LRRC72: variants seen among roughly 807,000 people sequenced by gnomAD.
The protein encoded by LRRC72 is leucine rich repeat containing 72.
A neutral mutation model predicts 35.8 loss-of-function variants in LRRC72; 41 were observed. The observed-to-expected ratio is 1.15, with a 90% CI of 0.89 to 1.49. The LOEUF (loss-of-function observed/expected upper bound fraction) is 1.49. Among genes scored for constraint, LRRC72 ranks in the 40% most tolerant of loss-of-function variants. LRRC72 has a pLI of 0.00. For synonymous variants in LRRC72, 118 were observed against 119.2 expected (o/e 0.99, Z 0.07); for missense variants, 389 against 330.7 (o/e 1.18, Z -1.37).
At chr7:16,552,702 A>G (rs73078922) in intron 3 of LRRC72, among the ~76,000 whole-genome samples, 44,607 of 152,078 alleles carry the variant, frequency 0.29, 6,737 homozygotes, top group East Asian at 0.39. Flanking sequence ...ATGGCAGCTC[A>G]GTTAGAGCAA....
intron 6 of LRRC72, among the ~76,000 whole-genome samples, chr7:16,566,997 A>G (rs976192929): frequency 9.2e-5 from 14 of 152,112 alleles, no homozygotes; most frequent in Non-Finnish European, 1.8e-4. Context: ...CTGTCTCTGC[A>G]GGTTTGAACA....
intron 1 of LRRC72, among the ~76,000 whole-genome samples, chr7:16,532,211 T>TAA (rs375741934): frequency 6.6e-6 from 1 of 152,046 alleles, no homozygotes; most frequent in African/African-American, 2.4e-5. Flanking sequence ...TCATACAGAA[T>TAA]AAAAAAAACT....
At chr7:16,548,207 A>G (rs78070887) in intron 3 of LRRC72, among the ~76,000 whole-genome samples, 2,838 of 152,304 alleles carry the variant, frequency 0.019, 30 homozygotes, top group Non-Finnish European at 0.03. Context: ...ATTGCTCAGT[A>G]AATCTCCCCT....
At chr7:16,580,029 A>T (rs770805660) in intron 7 of LRRC72, 45 bp from the exon 8 acceptor site, 2 of 396,466 alleles carry the variant, frequency 5.0e-6, no homozygotes, top group Admixed American at 3.7e-5. Flanking sequence ...TAAATGCTGG[A>T]TAAATATTTT....
At chr7:16,539,765 G>T (rs914846190) in intron 3 of LRRC72, among the ~76,000 whole-genome samples, 4 of 152,198 alleles carry the variant, frequency 2.6e-5, no homozygotes, top group African/African-American at 7.2e-5. Flanking sequence ...TGCTTCAGAG[G>T]GTGCAAACCC....
intron 3 of LRRC72, among the ~76,000 whole-genome samples, chr7:16,537,951 C>A (rs116292037): frequency 1.4e-4 from 22 of 152,156 alleles, no homozygotes; most frequent in Admixed American, 5.9e-4. Flanking sequence ...TTGTCTCCCA[C>A]GTCCTATCAA....
intron 3 of LRRC72, among the ~76,000 whole-genome samples, chr7:16,543,372 A>G (rs1056362219): frequency 7.2e-5 from 11 of 152,250 alleles, no homozygotes; most frequent in African/African-American, 2.7e-4. Flanking sequence ...GCTACCCTCT[A>G]TTTAGGAATA....
chr7:16,563,932 A>G (rs2128337910), intron 5 of LRRC72, among the ~76,000 whole-genome samples: 1 of 152,324 alleles, frequency 6.6e-6, no homozygotes, highest in South Asian at 2.1e-4. Flanking sequence ...TGTTGCTAAT[A>G]AGTAATGTAA....
intron 7 of LRRC72, among the ~76,000 whole-genome samples, chr7:16,576,126 C>G (rs1485246684): frequency 6.6e-6 from 1 of 152,158 alleles, no homozygotes; most frequent in Non-Finnish European, 1.5e-5. Flanking sequence ...TAAATCTACT[C>G]ATTTTCCACA....
chr7:16,568,895 A>C (rs891727904), intron 7 of LRRC72, among the ~76,000 whole-genome samples: 1 of 152,244 alleles, frequency 6.6e-6, no homozygotes, highest in African/African-American at 2.4e-5. Flanking sequence ...AGTAATGGCC[A>C]ACCAAGAATT....
intron 1 of LRRC72, among the ~76,000 whole-genome samples, chr7:16,532,180 T>C (rs1157920768): frequency 6.6e-6 from 1 of 152,172 alleles, no homozygotes. Context: ...AATAGTTCTT[T>C]AAAGACCAAA....
chr7:16,558,116 T>G (rs532630636), intron 4 of LRRC72, among the ~76,000 whole-genome samples: 44 of 152,324 alleles, frequency 2.9e-4, no homozygotes, highest in African/African-American at 7.7e-4. Flanking sequence ...GAAAATGATT[T>G]GAATATTTGG....
intron 2 of LRRC72, chr7:16,537,242 A>T (rs1461101378): frequency 6.2e-6 from 1 of 162,060 alleles, no homozygotes; most frequent in Non-Finnish European, 1.3e-5. Context: ...CCCACAGACA[A>T]TATTGAAGCA....
At chr7:16,553,642 A>G (rs1457371976) in intron 3 of LRRC72, among the ~76,000 whole-genome samples, 1 of 152,190 alleles carries the variant, frequency 6.6e-6, no homozygotes, top group African/African-American at 2.4e-5. Context: ...GTATGCTACT[A>G]GCATCTACTG....
At chr7:16,547,465 G>A (rs1486766973) in intron 3 of LRRC72, among the ~76,000 whole-genome samples, 2 of 152,288 alleles carry the variant, frequency 1.3e-5, no homozygotes, top group Non-Finnish European at 2.9e-5. Flanking sequence ...GCAGGCAGGA[G>A]CCCCATCCTC....
intron 3 of LRRC72, among the ~76,000 whole-genome samples, chr7:16,546,729 T>C (rs777487199): frequency 1.1e-4 from 16 of 152,044 alleles, no homozygotes; most frequent in Non-Finnish European, 2.1e-4. Flanking sequence ...GGCACTGGGG[T>C]GTGCACTGGA....
Position 16,573,138 on chromosome 7 carries a change from C to G in LRRC72, c.670+5595C>G, listed in dbSNP as rs111719126. On this transcript the variant is annotated intron_variant, in intron 7 of 8. Transcript: ENST00000401542. ...TCAAGGAGAACTATAAACCACTGCT[C>G]AAGGAAATAAGAGAAGACACAAACA... is the stretch of plus-strand genomic sequence containing the variant. Among the ~76,000 whole-genome samples the G allele has an allele frequency of 5.2e-3, 791 of 152,160 alleles. 6 individuals carry two copies. The highest frequency in any genetic ancestry group is 0.018 in the African/African-American group (729 of 41,512).
intron 7 of LRRC72, among the ~76,000 whole-genome samples, chr7:16,570,989 TC>T (rs1272750871): frequency 2.0e-5 from 3 of 152,078 alleles, no homozygotes; most frequent in Non-Finnish European, 2.9e-5. Flanking sequence ...TTTTTTTTTT[TC>T]TTCCATGACT....
chr7:16,538,222 G>A (rs550569023), intron 3 of LRRC72, among the ~76,000 whole-genome samples: 2 of 152,312 alleles, frequency 1.3e-5, no homozygotes, highest in East Asian at 1.9e-4. Context: ...ATGGTTGGCT[G>A]TTTTCCTTCC....
Sources: allele counts gnomAD v4.1 joint callset (sites outside exome capture counted in the v4.1 genomes callset), GRCh38; gene constraint gnomAD v4.1.1; transcripts MANE v1.5; gene names NCBI Gene and HGNC (gene_info 2026-07-23, HGNC 2026-07-21).